The following HSD17B14 variants were observed in gnomAD, a reference collection of about 807,000 sequenced individuals.
The protein encoded by HSD17B14 is hydroxysteroid 17-beta dehydrogenase 14, also known as L-fucose dehydrogenase.
HSD17B14 carries 32 observed loss-of-function variants against 32.2 expected under a neutral mutation model. The ratio of observed to expected loss-of-function variants is 0.99; its 90% CI spans 0.75 to 1.33. The LOEUF (loss-of-function observed/expected upper bound fraction) is 1.33, where lower values mean the gene tolerates loss of function less well. HSD17B14 is among the 40% of genes most tolerant of loss of function. HSD17B14 has a pLI of 0.00. For missense variants in HSD17B14, 370 were observed against 366.5 expected (o/e 1.01, Z -0.08); for synonymous variants, 140 against 155.4 (o/e 0.90, Z 0.74).
intron 5 of HSD17B14, among the ~76,000 whole-genome samples, chr19:48,824,936 C>T (rs893939036): frequency 2.0e-5 from 3 of 151,830 alleles, no homozygotes; most frequent in Non-Finnish European, 1.5e-5. Context: ...GCATGAAGTT[C>T]CTACTGATAA....
At chr19:48,819,869 C>T (rs1478797651) in intron 5 of HSD17B14, among the ~76,000 whole-genome samples, 2 of 152,178 alleles carry the variant, frequency 1.3e-5, no homozygotes, top group African/African-American at 2.4e-5. Flanking sequence ...CTGCCAGGGC[C>T]AGGTGTGGTG....
chr19:48,829,957 A>C (rs2035309965), intron 5 of HSD17B14, among the ~76,000 whole-genome samples: 1 of 151,736 alleles, frequency 6.6e-6, no homozygotes, highest in Non-Finnish European at 1.5e-5. Flanking sequence ...TGCTCTTTTT[A>C]AAAATTAATT....
In HSD17B14 at chr19:48,816,800, TTTCTTTCTTTCTTTCTTTCTTTC is replaced by T. The variant is rs967195584; in HGVS notation, c.370-1682_370-1660del. On this transcript the variant is annotated intron_variant, in intron 5 of 8. Transcript: ENST00000263278. Reference sequence around the variant, plus strand: ...CCCTTTTTCTTTCTTTCTTTCTTTCTTTCTTTCTTTCTTTCTTTCTTTCTTTTCTTTCTCTCTCTCTCTCTCTT... The same window carrying T: ...CCCTTTTTCTTTCTTTCTTTCTTTCTTTTTCTTTCTCTCTCTCTCTCTCTT... Among the ~76,000 whole-genome samples, 119 of 114,542 alleles carry T rather than the reference TTTCTTTCTTTCTTTCTTTCTTTC, an allele frequency of 1.0e-3. 2 individuals are homozygous for T. The highest frequency in any genetic ancestry group is 7.6e-3 in the South Asian group (27 of 3,574). The allele number at this position is 114,542 out of a possible 152,430, so 75.1% of individuals were successfully genotyped here.
At position 48,815,653 on chromosome 19, in the gene HSD17B14, G is replaced by A. The variant is rs112122233; in HGVS notation, c.370-512C>T. ...GGCCTCCCAAAGTGTTGGGATTACA[G>A]GCACGAGGCATCACACCCAGCCAGG... On this transcript the variant is annotated intron_variant, in intron 5 of 8. Transcript: ENST00000263278. 4.0e-3 allele frequency among the ~76,000 whole-genome samples: 604 copies of A among 152,176 alleles called. 4 individuals are homozygous for A. Among genetic ancestry groups the A allele is most frequent in the African/African-American group, 0.014 (565 of 41,544 alleles).
At chr19:48,816,249 T>C (rs746889869) in intron 5 of HSD17B14, among the ~76,000 whole-genome samples, 1 of 152,120 alleles carries the variant, frequency 6.6e-6, no homozygotes, top group African/African-American at 2.4e-5. Flanking sequence ...TTAAGACTAA[T>C]TGGTACAAGG....
chr19:48,813,786 C>T (rs775413921), intron 6 of HSD17B14, 56 bp from the exon 7 acceptor site: 191 of 1,590,526 alleles, frequency 1.2e-4, no homozygotes, highest in Non-Finnish European at 1.6e-4. Context: ...GGGTCCCTGC[C>T]ATCCATTGTC....
intron 5 of HSD17B14, among the ~76,000 whole-genome samples, chr19:48,826,528 A>AAAAAAAAAAAT (rs777368104): frequency 3.0e-4 from 7 of 23,078 alleles, no homozygotes; most frequent in Admixed American, 8.6e-4. Context: ...AAAAGAAGAA[A>AAAAAAAAAAAT]ATATATATAT....
At chr19:48,823,433 T>G (rs2035192140) in intron 5 of HSD17B14, among the ~76,000 whole-genome samples, 1 of 151,832 alleles carries the variant, frequency 6.6e-6, no homozygotes. Context: ...TAATAATGCT[T>G]TATTTTTAGG....
chr19:48,825,258 T>A (rs866750045), intron 5 of HSD17B14, among the ~76,000 whole-genome samples: 2,577 of 113,976 alleles, frequency 0.023, 82 homozygotes, highest in African/African-American at 0.079. Context: ...AAAAAAAAAA[T>A]TGTATGATCT....
intron 5 of HSD17B14, among the ~76,000 whole-genome samples, chr19:48,820,485 T>C (rs1474087642): frequency 6.6e-6 from 1 of 151,460 alleles, no homozygotes; most frequent in African/African-American, 2.4e-5. Flanking sequence ...TAAAAGAATG[T>C]TGCCTGGCTT....
Position 48,813,134 on chromosome 19 carries a change from G to A in HSD17B14, c.*41C>T. Reference sequence around the variant, plus strand: ...TGATACAGGTTGGAGTTTGGGGTGGGAGAGTCCTAGGAAGGGGGCCCCAAG... The same window carrying A: ...TGATACAGGTTGGAGTTTGGGGTGGAAGAGTCCTAGGAAGGGGGCCCCAAG... On this transcript the variant is annotated 3_prime_UTR_variant, in exon 9 of 9. Coordinates refer to ENST00000263278, the MANE Select transcript of HSD17B14 (RefSeq NM_016246.3). 7.0e-7 allele frequency: 1 copy of A among 1,438,304 alleles called. No homozygotes were observed. The highest frequency in any genetic ancestry group is 9.5e-7 in the Non-Finnish European group (1 of 1,052,492). 89.1% of individuals were successfully genotyped at this position (1,438,304 alleles called of 1,614,324 possible).
rs1375897101 is a variant in HSD17B14 at position 48,813,465 on chromosome 19, C to G, written c.630G>C (p.Met210Ile). The change falls in exon 8 of 9, where the codon ATG becomes ATC. Residue 210 changes from methionine (M) to isoleucine (I), a missense_variant. Coordinates refer to ENST00000263278, the MANE Select transcript of HSD17B14 (RefSeq NM_016246.3). The stretch of plus-strand genomic sequence containing the variant: ...TGAACCCCACTTCTACCTGGGCCAG[C>G]ATGCCCTCTCGGATTGTGGCCCTAG... ...PDPRATIREGMLAQPLGRMGQ... is the reference protein window; with the variant it reads ...PDPRATIREGILAQPLGRMGQ... The G allele has an allele frequency of 6.2e-7, 1 of 1,611,856 alleles. No individual in the cohort carries two copies. The highest frequency in any genetic ancestry group is 1.3e-5 in the African/African-American group (1 of 75,032).
At chr19:48,834,824 G>A (rs371646176) in intron 2 of HSD17B14, among the ~76,000 whole-genome samples, 722 of 33,522 alleles carry the variant, frequency 0.022, 2 homozygotes, top group African/African-American at 0.06. Context: ...AGGGGCTGGG[G>A]GCCTGGACTC....
chr19:48,815,122 C>T lies in HSD17B14; in HGVS notation c.389G>A (p.Arg130Gln), dbSNP rs908362279. ...TLTKLALPYL[R>Q]KSQGNVINIS... Reference sequence around the variant, plus strand: ...GTTGATGACATTCCCTTGACTCTTCCGCAGGTAGGGGAGGGCGAGCTAGGG... The same window carrying T: ...GTTGATGACATTCCCTTGACTCTTCTGCAGGTAGGGGAGGGCGAGCTAGGG... Residue 130 changes from arginine (R) to glutamine (Q), a missense_variant, in exon 6 of 9, where the codon CGG becomes CAG. Physicochemically the swap from Arg to Gln is conservative, Grantham distance 43. Transcript: ENST00000263278. 7.4e-6 allele frequency: 12 copies of T among 1,613,742 alleles called. No individual in the cohort carries two copies. The highest frequency in any genetic ancestry group is 5.3e-5 in the African/African-American group (4 of 74,884).
intron 5 of HSD17B14, among the ~76,000 whole-genome samples, chr19:48,819,451 G>C (rs1217449108): frequency 6.6e-6 from 1 of 152,114 alleles, no homozygotes; most frequent in Non-Finnish European, 1.5e-5. Flanking sequence ...TATTGCTCTT[G>C]ACATAAAGAC....
intron 5 of HSD17B14, among the ~76,000 whole-genome samples, chr19:48,826,378 C>T: frequency 6.7e-6 from 1 of 148,270 alleles, no homozygotes; most frequent in Non-Finnish European, 1.5e-5. Context: ...CCTGTAGTCT[C>T]AGGTCCTCGG....
chr19:48,833,224 CA>C, intron 3 of HSD17B14, among the ~76,000 whole-genome samples: 1 of 150,352 alleles, frequency 6.7e-6, no homozygotes, highest in Non-Finnish European at 1.5e-5. Flanking sequence ...AGGAAGGAGA[CA>C]GGGGGCTGGT....
intron 3 of HSD17B14, among the ~76,000 whole-genome samples, chr19:48,833,009 C>G (rs1373119229): frequency 1.3e-5 from 2 of 151,788 alleles, no homozygotes; most frequent in African/African-American, 4.8e-5. Context: ...CCCGCCTCAG[C>G]CTCCCAAAGT....
At chr19:48,826,538 T>TATATATATATATATATATATATATAC (rs2035252388) in intron 5 of HSD17B14, among the ~76,000 whole-genome samples, 1 of 93,952 alleles carries the variant, frequency 1.1e-5, no homozygotes, top group Non-Finnish European at 1.9e-5. Flanking sequence ...AATATATATA[T>TATATATATATATATATATATATATAC]ATATACACAC....
Sources: gnomAD v4.1 joint callset for allele counts (sites outside exome capture counted in the v4.1 genomes callset) on GRCh38, gnomAD v4.1.1 for gene constraint, MANE v1.5 for transcripts, NCBI Gene and HGNC (gene_info 2026-07-23, HGNC 2026-07-21) for gene names.